RYR1: variants seen among roughly 807,000 people sequenced by gnomAD.
RYR1 encodes ryanodine receptor 1.
Under a neutral mutation model 583.5 loss-of-function variants are expected in RYR1, and 342 were observed. The observed-to-expected ratio is 0.59, with a 90% CI of 0.54 to 0.64. The LOEUF (loss-of-function observed/expected upper bound fraction) is 0.64. RYR1 is among the 30% of genes least tolerant of loss of function. The probability of loss-of-function intolerance (pLI) is 0.00; values close to 1 mark genes in which losing one functional copy is unlikely to be tolerated. For synonymous variants in RYR1, 2,791 were observed against 2,822.5 expected (o/e 0.99, Z 0.35); for missense variants, 6,032 against 6,917.2 (o/e 0.87, Z 4.54).
chr19:38,486,967 A>G (rs1386294526), intron 34 of RYR1, among the ~76,000 whole-genome samples: 1 of 152,042 alleles, frequency 6.6e-6, no homozygotes, highest in Non-Finnish European at 1.5e-5. Context: ...CCAAGTTTCA[A>G]TCTATTTGCC....
chr19:38,586,123 C>A lies in RYR1; in HGVS notation c.14901C>A (p.Asp4967Glu). 1 of 1,614,144 alleles carries A rather than the reference C, an allele frequency of 6.2e-7. No homozygotes were observed. Among genetic ancestry groups the A allele is most frequent in the Non-Finnish European group, 8.5e-7 (1 of 1,180,030 alleles). Residue 4967 changes from aspartate to glutamate, a missense_variant, in exon 104 of 106, where the codon GAC becomes GAA. Around this residue, in one of 11 missense-constraint regions of RYR1, gnomAD observed 189 missense variants for 350.3 expected, o/e 0.54. Transcript: ENST00000359596. ...GCTTCATCTGTGGAATCGGCAGTGA[C>A]TACTTTGATACGACACCGCATGGCT... ...TKCFICGIGS[D>E]YFDTTPHGFE...
chr19:38,527,878 C>G (rs1471557703), intron 73 of RYR1, 94 bp downstream of exon 73: 2 of 1,485,116 alleles, frequency 1.3e-6, no homozygotes, highest in African/African-American at 1.4e-5. Context: ...CTGGAGATGA[C>G]TATTAAGTTT....
rs1244641838 is a variant in RYR1 at position 38,561,105 on chromosome 19, GC to G, written c.12283-3del. 6.2e-7 allele frequency: 1 copy of G among 1,606,534 alleles called. No individual in the cohort carries two copies. The highest frequency in any genetic ancestry group is 1.3e-5 in the African/African-American group (1 of 74,428). On this transcript the variant is annotated splice_polypyrimidine_tract_variant and splice_region_variant and intron_variant, in intron 89 of 105. Transcript: ENST00000359596. The surrounding 1 kb of genome is among the most constrained non-coding windows in gnomAD (Gnocchi z 4.8). ...GGTCACCCCACTGACCTCCCTGCCC[GC>G]CCCCAGGCCATGGACAGCCAGAAGC...
chr19:38,485,456 T>C, intron 33 of RYR1, 134 bp from the exon 34 acceptor site: 1 of 1,206,628 alleles, frequency 8.3e-7, no homozygotes, highest in Non-Finnish European at 1.2e-6. Flanking sequence ...ATAGATGGAA[T>C]GGTAGGGGTT....
chr19:38,575,039 CAAA>C (rs35261562), intron 96 of RYR1, among the ~76,000 whole-genome samples: 7 of 90,428 alleles, frequency 7.7e-5, no homozygotes, highest in Admixed American at 1.0e-4. Flanking sequence ...GACTCCGTCT[CAAA>C]AAAAAAAAAA....
At position 38,561,811 on chromosome 19, in the gene RYR1, T is replaced by A. The variant is rs1425808067; in HGVS notation, c.12624+357T>A. Among the ~76,000 whole-genome samples the A allele has an allele frequency of 1.3e-5, 2 of 151,950 alleles. No homozygotes were observed. Among genetic ancestry groups the A allele is most frequent in the Admixed American group, 6.6e-5 (1 of 15,264 alleles). On this transcript the variant is annotated intron_variant, in intron 90 of 105. Transcript: ENST00000359596. This position sits in a 1 kb window ranked among gnomAD's most constrained non-coding sequence, Gnocchi z 4.8. Reference sequence around the variant, plus strand: ...AGCCCTGATGCAGCCCTACCCACACTCTCACCTCCTCGAACCTGCATGGCG... The same window carrying A: ...AGCCCTGATGCAGCCCTACCCACACACTCACCTCCTCGAACCTGCATGGCG...
At chr19:38,581,816 C>T (rs892827723) in intron 101 of RYR1, among the ~76,000 whole-genome samples, 1 of 150,908 alleles carries the variant, frequency 6.6e-6, no homozygotes, top group African/African-American at 2.4e-5. Flanking sequence ...CAATGTTGGC[C>T]AGGCTTGTCT....
intron 64 of RYR1, 146 bp downstream of exon 64, chr19:38,515,253 C>T: frequency 4.3e-6 from 3 of 693,596 alleles, no homozygotes; most frequent in African/African-American, 3.5e-5. Context: ...CCACGGCGGC[C>T]GCGTGAGGGC....
At chr19:38,519,553 C>T (rs2145690130) in intron 67 of RYR1, 99 bp downstream of exon 67, 3 of 1,387,210 alleles carry the variant, frequency 2.2e-6, no homozygotes, top group Non-Finnish European at 3.0e-6. Flanking sequence ...AAACTTCTTC[C>T]AATGCTCTGG....
chr19:38,516,203 C>T lies in RYR1; in HGVS notation c.9671C>T (p.Pro3224Leu), dbSNP rs373626870. The T allele has an allele frequency of 2.0e-5, 32 of 1,583,350 alleles. No homozygotes were observed. Among genetic ancestry groups the T allele is most frequent in the Admixed American group, 3.6e-5 (2 of 55,626 alleles). ...NACSVYTTKS[P>L]RERAILGLPN... Reference sequence around the variant, plus strand: ...TGCTCCGTGTACACCACCAAGTCTCCGCGGGAGCGGGCCAGTAAGCTGTGT... The same window carrying T: ...TGCTCCGTGTACACCACCAAGTCTCTGCGGGAGCGGGCCAGTAAGCTGTGT... The change falls in exon 65 of 106, where the codon CCG becomes CTG. Residue 3224 changes from proline (P) to leucine (L), a missense_variant. Physicochemically the swap from Pro to Leu is moderately conservative, Grantham distance 98. Transcript: ENST00000359596.
Position 38,565,841 on chromosome 19 carries a change from G to A in RYR1, c.13437+70G>A. On this transcript the variant is annotated intron_variant, in intron 91 of 105. Coordinates refer to ENST00000359596, the MANE Select transcript of RYR1 (RefSeq NM_000540.3). This position sits in a 1 kb window ranked among gnomAD's most constrained non-coding sequence, Gnocchi z 4.7. ...TTGGAGGGAGGAAGAGAGCCCGGCTGGGTGGAGACACACACAGAGGAGAGA... is the reference window on the plus strand; with the variant it reads ...TTGGAGGGAGGAAGAGAGCCCGGCTAGGTGGAGACACACACAGAGGAGAGA... 1 of 1,345,826 alleles carries A rather than the reference G, an allele frequency of 7.4e-7. No homozygotes were observed. The highest frequency in any genetic ancestry group is 3.1e-5 in the East Asian group (1 of 32,730). 83.4% of individuals were successfully genotyped at this position (1,345,826 alleles called of 1,614,324 possible).
intron 23 of RYR1, 35 bp from the exon 24 acceptor site, chr19:38,466,056 G>C: frequency 6.3e-7 from 1 of 1,581,984 alleles, no homozygotes. Flanking sequence ...GTGGAGGTGA[G>C]GGCCTTGTCC....
intron 76 of RYR1, among the ~76,000 whole-genome samples, chr19:38,529,429 G>A (rs1255625016): frequency 3.3e-5 from 5 of 152,184 alleles, no homozygotes; most frequent in South Asian, 2.1e-4. Flanking sequence ...GCAGTGAGCC[G>A]AGATCATACC....
Position 38,460,492 on chromosome 19 carries a change from G to A in RYR1, c.2478G>A (p.Lys826=). The A allele has an allele frequency of 6.2e-7, 1 of 1,614,232 alleles. No homozygotes were observed. The highest frequency in any genetic ancestry group is 1.1e-5 in the South Asian group (1 of 91,090). ...AGCGACTCCATCTTGAACCCATCAA[G>A]GAGTATCGACGGGAGGGGCCCCGGG... ...PRERLHLEPI[K]EYRREGPRGP... Residue 826 remains lysine (K), a synonymous_variant, in exon 20 of 106, where the codon AAG becomes AAA. Coordinates refer to ENST00000359596, the MANE Select transcript of RYR1 (RefSeq NM_000540.3).
At chr19:38,453,706 A>G (rs6508801) in intron 13 of RYR1, among the ~76,000 whole-genome samples, 148,385 of 151,900 alleles carry the variant, frequency 0.98, 72,494 homozygotes, top group East Asian at 1. Flanking sequence ...GAGCTGTCAG[A>G]CAGGGTGACC....
intron 89 of RYR1, among the ~76,000 whole-genome samples, chr19:38,559,228 CTTT>C (rs34239565): frequency 9.9e-6 from 1 of 101,308 alleles, no homozygotes; most frequent in Admixed American, 1.1e-4. Flanking sequence ...AGGTGGGCTT[CTTT>C]TTTTTTTTTT....
chr19:38,488,693 C>A (rs113777190), intron 34 of RYR1, among the ~76,000 whole-genome samples: 1 of 151,974 alleles, frequency 6.6e-6, no homozygotes, highest in Non-Finnish European at 1.5e-5. Flanking sequence ...TTTGTAGAGA[C>A]GGGGTTTCAC....
chr19:38,573,088 A>T, intron 95 of RYR1, 89 bp from the exon 96 acceptor site: 1 of 1,582,264 alleles, frequency 6.3e-7, no homozygotes. Flanking sequence ...GGTCACACAC[A>T]GACCCCAGCA....
intron 20 of RYR1, among the ~76,000 whole-genome samples, chr19:38,462,798 G>A (rs1243836593): frequency 6.6e-6 from 1 of 151,980 alleles, no homozygotes; most frequent in African/African-American, 2.4e-5. Context: ...GGACTTGGTG[G>A]AGACCAGGGC....
Sources: allele counts gnomAD v4.1 joint callset (sites outside exome capture counted in the v4.1 genomes callset), GRCh38; gene constraint gnomAD v4.1.1; regional missense constraint gnomAD v4.1.1; non-coding constraint Gnocchi (gnomAD v3.1); transcripts MANE v1.5; gene names NCBI Gene and HGNC (gene_info 2026-07-23, HGNC 2026-07-21).